Variants in DCAF5 observed in about 807,000 individuals in gnomAD.
DCAF5 encodes the protein DDB1 and CUL4 associated factor 5.
Under a neutral mutation model 80.7 loss-of-function variants are expected in DCAF5, and 9 were observed. That is an observed-to-expected ratio of 0.11 (90% CI 0.07 to 0.19). The LOEUF is 0.19. DCAF5 is among the 10% of genes least tolerant of loss of function. The probability of loss-of-function intolerance (pLI) is 1.00; values close to 1 mark genes in which losing one functional copy is unlikely to be tolerated. For synonymous variants in DCAF5, 433 were observed against 461.9 expected (o/e 0.94, Z 0.80); for missense variants, 842 against 1,205.7 (o/e 0.70, Z 4.47).
At chr14:69,122,036 G>A (rs1376066245) in intron 2 of DCAF5, among the ~76,000 whole-genome samples, 181 bp downstream of exon 2, 1 of 152,040 alleles carries the variant, frequency 6.6e-6, no homozygotes, top group East Asian at 1.9e-4. Context: ...AGAGAAGAGA[G>A]AAAAGACACA....
chr14:69,056,506 C>T (rs10498526), intron 8 of DCAF5, among the ~76,000 whole-genome samples: 9 of 152,290 alleles, frequency 5.9e-5, no homozygotes, highest in Admixed American at 2.6e-4. Context: ...TCACTGCAAA[C>T]GAGAACGATT....
At chr14:69,144,747 A>G (rs1383025904) in intron 1 of DCAF5, among the ~76,000 whole-genome samples, 1 of 152,184 alleles carries the variant, frequency 6.6e-6, no homozygotes, top group Non-Finnish European at 1.5e-5. Context: ...AACTGCTAAC[A>G]TTCAGCTTTC....
At chr14:69,142,977 T>A (rs1348652602) in intron 1 of DCAF5, among the ~76,000 whole-genome samples, 3 of 152,212 alleles carry the variant, frequency 2.0e-5, no homozygotes, top group Non-Finnish European at 2.9e-5. Context: ...TGGGAGTTAG[T>A]CACATGGTTA....
intron 1 of DCAF5, among the ~76,000 whole-genome samples, chr14:69,133,213 AAG>A (rs748325771): frequency 1.3e-5 from 2 of 152,200 alleles, no homozygotes; most frequent in Admixed American, 6.5e-5. Context: ...CACAGCTACC[AAG>A]AGTCATTGTT....
At chr14:69,096,768 T>A (rs544331894) in intron 5 of DCAF5, among the ~76,000 whole-genome samples, 51 of 152,344 alleles carry the variant, frequency 3.3e-4, no homozygotes, top group African/African-American at 1.1e-3. Context: ...TTTGAGTTTA[T>A]CAGATGGCCT....
intron 7 of DCAF5, among the ~76,000 whole-genome samples, chr14:69,069,014 T>C (rs2038577699): frequency 6.6e-6 from 1 of 152,218 alleles, no homozygotes; most frequent in East Asian, 1.9e-4. Context: ...TTATGCTGAG[T>C]TCTTCTTTCA....
intron 7 of DCAF5, among the ~76,000 whole-genome samples, chr14:69,070,815 T>C (rs1292950769): frequency 6.6e-6 from 1 of 152,004 alleles, no homozygotes; most frequent in Non-Finnish European, 1.5e-5. Flanking sequence ...TTTTTCTTTT[T>C]TGAGACGGAG....
At chr14:69,060,938 A>G (rs1167681507) in intron 8 of DCAF5, among the ~76,000 whole-genome samples, 4 of 70,536 alleles carry the variant, frequency 5.7e-5, no homozygotes, top group Non-Finnish European at 1.2e-4. Context: ...TATGAAATAA[A>G]ATAATCACAA....
At chr14:69,141,343 C>CT (rs10592463) in intron 1 of DCAF5, among the ~76,000 whole-genome samples, 2 of 149,308 alleles carry the variant, frequency 1.3e-5, no homozygotes, top group African/African-American at 2.4e-5. Context: ...AAACTGGGAC[C>CT]TTTTTTTTTC....
chr14:69,073,100 A>G (rs1252547748), intron 7 of DCAF5, among the ~76,000 whole-genome samples: 1 of 152,244 alleles, frequency 6.6e-6, no homozygotes, highest in Non-Finnish European at 1.5e-5. Flanking sequence ...AATCTGCTAG[A>G]TGTATTCAGT....
chr14:69,066,181 C>A (rs1425962926), intron 7 of DCAF5, among the ~76,000 whole-genome samples: 1 of 150,132 alleles, frequency 6.7e-6, no homozygotes, highest in East Asian at 1.9e-4. Flanking sequence ...GTTGCCCAGG[C>A]TAGAGTGTAG....
intron 1 of DCAF5, among the ~76,000 whole-genome samples, chr14:69,126,175 G>A (rs985426739): frequency 1.3e-5 from 2 of 148,734 alleles, no homozygotes; most frequent in East Asian, 1.9e-4. Context: ...TTTTTTAGAC[G>A]GAGTTTCACT....
chr14:69,141,017 C>T (rs745640479), intron 1 of DCAF5, among the ~76,000 whole-genome samples: 6 of 151,546 alleles, frequency 4.0e-5, no homozygotes, highest in Non-Finnish European at 8.8e-5. Flanking sequence ...ACCTCTAATC[C>T]CAACGGGATT....
At chr14:69,097,871 G>A (rs948330133) in intron 5 of DCAF5, among the ~76,000 whole-genome samples, 7 of 152,076 alleles carry the variant, frequency 4.6e-5, no homozygotes, top group African/African-American at 1.4e-4. Flanking sequence ...TTTCAGGCAT[G>A]AGCCACCATG....
chr14:69,150,650 G>A (rs1221007096), intron 1 of DCAF5, among the ~76,000 whole-genome samples: 1 of 151,762 alleles, frequency 6.6e-6, no homozygotes, highest in African/African-American at 2.4e-5. Context: ...ACTTTACGGG[G>A]TGAGGCAGGA....
intron 6 of DCAF5, chr14:69,083,455 C>T: frequency 3.1e-6 from 1 of 323,222 alleles, no homozygotes. Context: ...GAACCTCAAA[C>T]TGCGGCAGTG....
At chr14:69,090,827 G>C in intron 6 of DCAF5, 1 of 419,482 alleles carries the variant, frequency 2.4e-6, no homozygotes. Context: ...ACATTAGCGA[G>C]AGACTAAGGT....
At chr14:69,136,803 A>C (rs1268755659) in intron 1 of DCAF5, among the ~76,000 whole-genome samples, 1 of 152,184 alleles carries the variant, frequency 6.6e-6, no homozygotes, top group Non-Finnish European at 1.5e-5. Flanking sequence ...CATAACAAAG[A>C]CTTATCCAGC....
intron 6 of DCAF5, among the ~76,000 whole-genome samples, chr14:69,076,482 T>C (rs962448650): frequency 1.3e-5 from 2 of 152,188 alleles, no homozygotes; most frequent in African/African-American, 4.8e-5. Context: ...TTCTGACACA[T>C]GCTACAACAT....
Sources: gnomAD v4.1 joint callset for allele counts (sites outside exome capture counted in the v4.1 genomes callset) on GRCh38, gnomAD v4.1.1 for gene constraint, MANE v1.5 for transcripts, NCBI Gene and HGNC (gene_info 2026-07-23, HGNC 2026-07-21) for gene names.